Variants in NSD3 observed in about 807,000 individuals in gnomAD.
NSD3 encodes nuclear receptor binding SET domain protein 3, also known as histone-lysine N-methyltransferase NSD3.
In NSD3, 24 loss-of-function variants were observed where a neutral mutation model predicts 160.8. That is an observed-to-expected ratio of 0.15 (90% CI 0.11 to 0.21). NSD3 has a LOEUF of 0.21. Ranked by LOEUF, NSD3 falls within the 10% of genes least tolerant of loss-of-function variation. NSD3 has a pLI of 1.00. For missense variants in NSD3, 1,157 were observed against 1,735.9 expected (o/e 0.67, Z 5.93); for synonymous variants, 520 against 600.0 (o/e 0.87, Z 1.95).
At chr8:38,349,806 G>A (rs1042584347) in intron 1 of NSD3, among the ~76,000 whole-genome samples, 4 of 151,084 alleles carry the variant, frequency 2.6e-5, no homozygotes, top group African/African-American at 9.7e-5. Context: ...ATTTACATTA[G>A]GTATATCTCC....
chr8:38,346,552 G>T (rs574689873), intron 2 of NSD3, among the ~76,000 whole-genome samples: 12 of 151,658 alleles, frequency 7.9e-5, no homozygotes, highest in African/African-American at 2.9e-4. Context: ...CACAGTAGGA[G>T]GAGCATTTCA....
At chr8:38,327,929 C>T (rs1809956665) in intron 6 of NSD3, among the ~76,000 whole-genome samples, 2 of 152,286 alleles carry the variant, frequency 1.3e-5, no homozygotes, top group Admixed American at 6.5e-5. Context: ...TGGCCAGGCA[C>T]CGTGGCTCCT....
chr8:38,296,117 C>T (rs901000778), intron 15 of NSD3, among the ~76,000 whole-genome samples, 165 bp from the exon 16 acceptor site: 6 of 152,104 alleles, frequency 3.9e-5, no homozygotes, highest in South Asian at 2.1e-4. Context: ...AGCAAGTGAA[C>T]GTATTTAGCT....
At chr8:38,333,627 G>C (rs935005604) in intron 4 of NSD3, among the ~76,000 whole-genome samples, 2 of 152,118 alleles carry the variant, frequency 1.3e-5, no homozygotes, top group African/African-American at 4.8e-5. Flanking sequence ...CAGCACTTTG[G>C]GAGGCCGAGG....
intron 2 of NSD3, among the ~76,000 whole-genome samples, chr8:38,339,546 G>T (rs1390752276): frequency 6.6e-6 from 1 of 152,196 alleles, no homozygotes; most frequent in South Asian, 2.1e-4. Context: ...CCAACATGGT[G>T]AAACCCCGTC....
chr8:38,332,990 G>T (rs899256216), intron 4 of NSD3, among the ~76,000 whole-genome samples: 6 of 151,946 alleles, frequency 3.9e-5, no homozygotes, highest in African/African-American at 1.4e-4. Context: ...AAAGACCCAA[G>T]CACAAATCTA....
rs190098372 is a variant in NSD3, at chr8:38,365,504, G to C, written c.-45+16295C>G. ...TTCTTTTCTTTGAAGACGGAGTCTC[G>C]CTCTGTCACCCAAGCTGGAGTACAC... On this transcript the variant is annotated intron_variant, in intron 1 of 23. Transcript: ENST00000317025. Among the ~76,000 whole-genome samples the C allele has an allele frequency of 1.3e-3, 195 of 152,214 alleles. 1 individual carries two copies. Among genetic ancestry groups the C allele is most frequent in the African/African-American group, 4.3e-3 (180 of 41,524 alleles).
At chr8:38,310,196 C>T (rs1199064962) in intron 12 of NSD3, among the ~76,000 whole-genome samples, 2 of 152,154 alleles carry the variant, frequency 1.3e-5, no homozygotes, top group Non-Finnish European at 2.9e-5. Context: ...AACTCCTCAT[C>T]TCACCTCCCC....
chr8:38,351,972 G>C (rs564106930), intron 1 of NSD3, among the ~76,000 whole-genome samples: 1 of 150,486 alleles, frequency 6.6e-6, no homozygotes. Context: ...GTATACATAC[G>C]TAACAAACCT....
In NSD3 at chr8:38,318,527, C is replaced by T. The variant is rs948329416; in HGVS notation, c.1855+368G>A. Among the ~76,000 whole-genome samples, 1 of 152,082 alleles carries T rather than the reference C, an allele frequency of 6.6e-6. No homozygotes were observed. The highest frequency in any genetic ancestry group is 1.5e-5 in the Non-Finnish European group (1 of 68,032). On this transcript the variant is annotated intron_variant, in intron 9 of 23. Transcript: ENST00000317025. This position sits in a 1 kb window ranked among gnomAD's most constrained non-coding sequence, Gnocchi z 5.3. ...CTTGTCTTGTCTGATTTGTCATAGT[C>T]CATGTTTGACAAACATGAATAGCTA...
intron 1 of NSD3, among the ~76,000 whole-genome samples, chr8:38,366,412 T>C (rs560406219): frequency 6.9e-5 from 10 of 145,234 alleles, no homozygotes; most frequent in African/African-American, 2.0e-4. Flanking sequence ...TCACATCTAC[T>C]TAATTCTTTT....
At chr8:38,301,095 G>A (rs552325212) in intron 14 of NSD3, among the ~76,000 whole-genome samples, 20 of 152,110 alleles carry the variant, frequency 1.3e-4, no homozygotes, top group East Asian at 7.7e-4. Context: ...TCAACCTCCC[G>A]AGTAGCTAGG....
chr8:38,365,224 T>G (rs1280475767), intron 1 of NSD3, among the ~76,000 whole-genome samples: 1 of 152,222 alleles, frequency 6.6e-6, no homozygotes, highest in East Asian at 1.9e-4. Context: ...AAGCAAAAGC[T>G]GAGTCTCACC....
intron 6 of NSD3, among the ~76,000 whole-genome samples, chr8:38,327,148 A>G (rs1029308105): frequency 6.6e-6 from 1 of 151,078 alleles, no homozygotes; most frequent in Non-Finnish European, 1.5e-5. Flanking sequence ...ACCTGGGTTC[A>G]AGTGATTCTC....
chr8:38,329,986 A>G lies in NSD3; in HGVS notation c.1066-93T>C. On this transcript the variant is annotated intron_variant, in intron 5 of 23. Coordinates refer to ENST00000317025, the MANE Select transcript of NSD3 (RefSeq NM_023034.2). The surrounding 1 kb of genome is among the most constrained non-coding windows in gnomAD (Gnocchi z 4.8). Reference sequence around the variant, plus strand: ...TCCCATGTGATCCTGTTATCTTTTCAGGTCTACATAAATATCTTCAGGTTC... The same window carrying G: ...TCCCATGTGATCCTGTTATCTTTTCGGGTCTACATAAATATCTTCAGGTTC... The G allele has an allele frequency of 7.1e-7, 1 of 1,417,370 alleles. No individual in the cohort carries two copies. Among genetic ancestry groups the G allele is most frequent in the Non-Finnish European group, 9.4e-7 (1 of 1,062,506 alleles). 87.8% of individuals were successfully genotyped at this position (1,417,370 alleles called of 1,614,324 possible).
At chr8:38,292,373 G>T (rs1448594408) in intron 16 of NSD3, among the ~76,000 whole-genome samples, 1 of 152,226 alleles carries the variant, frequency 6.6e-6, no homozygotes, top group Non-Finnish European at 1.5e-5. Context: ...TTGGCCAGGT[G>T]TGGTGGCTCA....
At chr8:38,280,692 C>G (rs766958408) in intron 20 of NSD3, among the ~76,000 whole-genome samples, 12 of 151,190 alleles carry the variant, frequency 7.9e-5, no homozygotes, top group Non-Finnish European at 1.3e-4. Flanking sequence ...ATAGGTCTTA[C>G]AACTGCAGAG....
At chr8:38,290,836 G>A (rs1301470886) in intron 16 of NSD3, 159 bp from the exon 17 acceptor site, 5 of 634,926 alleles carry the variant, frequency 7.9e-6, no homozygotes, top group African/African-American at 7.4e-5. Context: ...AGTAATTAAT[G>A]AAATAGTGAA....
chr8:38,290,672 C>G lies in NSD3; in HGVS notation c.2921G>C (p.Trp974Ser). The change falls in exon 17 of 24, where the codon TGG (tryptophan) becomes TCG (serine). Residue 974 changes from tryptophan (W) to serine (S), a missense_variant. Physicochemically the swap from Trp to Ser is radical, Grantham distance 177. Coordinates refer to ENST00000317025, the MANE Select transcript of NSD3 (RefSeq NM_023034.2). Reference sequence around the variant, plus strand: ...CCTGGGGTTGCAGATCTCTGCTGGCCACCATCTGAAAACAAAAGCAATTTT... The same window carrying G: ...CCTGGGGTTGCAGATCTCTGCTGGCGACCATCTGAAAACAAAAGCAATTTT... Reference protein sequence around the residue: ...VWVKLGNYRWWPAEICNPRSV... With the variant: ...VWVKLGNYRWSPAEICNPRSV... The G allele has an allele frequency of 1.9e-6, 3 of 1,613,484 alleles. No homozygotes were observed. Among genetic ancestry groups the G allele is most frequent in the Non-Finnish European group, 2.5e-6 (3 of 1,179,792 alleles).
Sources: allele counts gnomAD v4.1 joint callset (sites outside exome capture counted in the v4.1 genomes callset), GRCh38; gene constraint gnomAD v4.1.1; non-coding constraint Gnocchi (gnomAD v3.1); transcripts MANE v1.5; gene names NCBI Gene and HGNC (gene_info 2026-07-23, HGNC 2026-07-21).